Variants in MSL3B observed in about 807,000 individuals in gnomAD.
The protein encoded by MSL3B is MSL complex subunit 3B.
At chr2:233,868,279 C>G in the MSL3B span, 5 of 316,738 alleles carry the variant, frequency 1.6e-5, no homozygotes, top group Non-Finnish European at 2.6e-5. Context: ...GCCTACGCGG[C>G]ACCAGGCTGC....
At chr2:233,866,301 T>A in the MSL3B span, 2 of 774,384 alleles carry the variant, frequency 2.6e-6, no homozygotes, top group Middle Eastern at 2.3e-4. Context: ...TTTCCAAGAA[T>A]TTCTGGAAGT....
the MSL3B span, chr2:233,866,617 G>C: frequency 4.8e-5 from 39 of 806,892 alleles, no homozygotes; most frequent in South Asian, 5.1e-4. Flanking sequence ...TAGAAAGCCT[G>C]TCACAGTTGG....
At chr2:233,864,999 C>T in the MSL3B span, among the ~76,000 whole-genome samples, 1 of 152,264 alleles carries the variant, frequency 6.6e-6, no homozygotes, top group Admixed American at 6.5e-5. Flanking sequence ...TTGTGGGTGG[C>T]ACGTCATTCT....
At chr2:233,867,364 A>T in the MSL3B span, 1 of 594,866 alleles carries the variant, frequency 1.7e-6, no homozygotes, top group Non-Finnish European at 3.0e-6. Flanking sequence ...TTAAAAAAAG[A>T]CAGAGTCAGC....
At chr2:233,867,928 T>A in the MSL3B span, among the ~76,000 whole-genome samples, 2 of 151,224 alleles carry the variant, frequency 1.3e-5, no homozygotes, top group Non-Finnish European at 2.9e-5. Flanking sequence ...ATAGCTGGGA[T>A]TACAGGCGCC....
At chr2:233,867,348 G>A in the MSL3B span, 1 of 620,946 alleles carries the variant, frequency 1.6e-6, no homozygotes, top group Non-Finnish European at 2.9e-6. Flanking sequence ...TCGATGGAGA[G>A]GCCTTTTAAA....
chr2:233,866,120 A>C, the MSL3B span: 1 of 574,622 alleles, frequency 1.7e-6, no homozygotes, highest in Non-Finnish European at 3.4e-6. Context: ...GTTCTTACAG[A>C]ACCATCAACA....
chr2:233,867,483 C>CT, the MSL3B span: 95 of 339,518 alleles, frequency 2.8e-4, no homozygotes, highest in African/African-American at 1.2e-3. Flanking sequence ...TTCTTTCTTT[C>CT]TTTTTTTTGT....
chr2:233,866,051 C>A, the MSL3B span: 1 of 414,966 alleles, frequency 2.4e-6, no homozygotes. Flanking sequence ...TGGATAAAAA[C>A]CCACCACCTT....
the MSL3B span, chr2:233,867,563 C>T: frequency 4.4e-6 from 1 of 226,714 alleles, no homozygotes; most frequent in Non-Finnish European, 8.6e-6. Context: ...GCAACCTCCG[C>T]CTCCCGGGTT....
At chr2:233,867,298 G>T in the MSL3B span, 5 of 717,396 alleles carry the variant, frequency 7.0e-6, no homozygotes, top group Non-Finnish European at 1.3e-5. Context: ...TACTGTCAGA[G>T]GAACTGCTTA....
the MSL3B span, among the ~76,000 whole-genome samples, chr2:233,864,817 T>G: frequency 2.0e-5 from 3 of 152,216 alleles, no homozygotes; most frequent in Non-Finnish European, 4.4e-5. Flanking sequence ...TTAGAGCACG[T>G]CTCAATTTGG....
chr2:233,866,499 A>T, the MSL3B span: 1 of 1,234,728 alleles, frequency 8.1e-7, no homozygotes, highest in Non-Finnish European at 1.2e-6. Context: ...GTAGGTGAAG[A>T]TGATCTGCTA....
the MSL3B span, among the ~76,000 whole-genome samples, chr2:233,867,765 AC>A: frequency 7.0e-6 from 1 of 141,960 alleles, no homozygotes; most frequent in African/African-American, 2.6e-5. Context: ...GGAGTGAGCC[AC>A]CGCGCCCAGA....
At chr2:233,867,162 C>T in the MSL3B span, 1 of 795,132 alleles carries the variant, frequency 1.3e-6, no homozygotes. Flanking sequence ...TTCAGAACTT[C>T]AGGGATTTCT....
At chr2:233,865,863 T>C in the MSL3B span, 1 of 293,238 alleles carries the variant, frequency 3.4e-6, no homozygotes, top group African/African-American at 2.2e-5. Flanking sequence ...CATTTCACTG[T>C]GAACAGTTGC....
chr2:233,866,102 G>A, the MSL3B span: 2 of 545,430 alleles, frequency 3.7e-6, no homozygotes, highest in Non-Finnish European at 7.2e-6. Context: ...ATGCTAGATG[G>A]AGCAGTTGTT....
At chr2:233,867,377 CA>C in the MSL3B span, 4 of 567,378 alleles carry the variant, frequency 7.0e-6, no homozygotes, top group Non-Finnish European at 1.3e-5. Context: ...GAGTCAGCAC[CA>C]AGCAACCTGG....
chr2:233,867,115 C>A, the MSL3B span: 3 of 893,176 alleles, frequency 3.4e-6, 1 homozygote, highest in South Asian at 3.9e-5. Context: ...ACCGTTTCCT[C>A]CGATTAATGT....
Sources: allele counts gnomAD v4.1 joint callset (sites outside exome capture counted in the v4.1 genomes callset), GRCh38; gene constraint gnomAD v4.1.1; transcripts MANE v1.5; gene names NCBI Gene and HGNC (gene_info 2026-07-23, HGNC 2026-07-21).